The following INTS1 variants were observed in gnomAD, a reference collection of about 807,000 sequenced individuals.
INTS1 encodes integrator complex subunit 1.
A neutral mutation model predicts 241.6 loss-of-function variants in INTS1; 137 were observed. The observed-to-expected ratio is 0.57, with a 90% confidence interval of 0.49 to 0.65. The LOEUF (loss-of-function observed/expected upper bound fraction) is 0.65. Among genes scored for constraint, INTS1 ranks in the 30% least tolerant of loss-of-function variants. The probability of loss-of-function intolerance (pLI) is 0.00; values close to 1 mark genes in which losing one functional copy is unlikely to be tolerated. For synonymous variants in INTS1, 1,692 were observed against 1,337.8 expected, an observed-to-expected ratio of 1.26 and a Z score of -5.78; for missense variants, 3,073 against 3,032.2, an observed-to-expected ratio of 1.01 and a Z score of -0.32.
rs201332911 is a variant in INTS1, at chr7:1,500,035, C to T, written c.547-14G>A. The T allele has an allele frequency of 7.2e-4, 1,166 of 1,611,206 alleles. 8 individuals carry two copies. In the African/African-American group the frequency reaches 0.014, roughly 19 times the overall value. ...GCTACACAGAGCCTGCCAGGGAGGG[C>T]GCATGTCACGTGGGAGCTTCGCTGG... On this transcript the variant is annotated splice_polypyrimidine_tract_variant and intron_variant, in intron 4 of 47. Coordinates refer to ENST00000404767, the MANE Select transcript of INTS1 (RefSeq NM_001080453.3).
rs780686079 is a variant in INTS1 at position 1,496,180 on chromosome 7, C to T, written c.1687G>A (p.Ala563Thr). 17 of 1,613,662 alleles carry T rather than the reference C, an allele frequency of 1.1e-5. No individual in the cohort carries two copies. Among genetic ancestry groups the T allele is most frequent in the Non-Finnish European group, 1.4e-5 (17 of 1,179,750 alleles). The part of the protein sequence containing the change: ...ITAQVKEAGI[A>T]WDKGEKRNLE... The stretch of plus-strand genomic sequence containing the variant: ...CTCCTCTTTTCTCCTTTGTCCCAGG[C>T]GATGCCGGCCTCCTTCACCTGCGCT... Residue 563 changes from alanine (A) to threonine (T), a missense_variant, in exon 12 of 48, where the codon GCC (alanine) becomes ACC (threonine). By Grantham distance (58) the Ala-to-Thr change is moderately conservative. Coordinates refer to ENST00000404767, the MANE Select transcript of INTS1 (RefSeq NM_001080453.3).
In INTS1 at chr7:1,503,009, A is replaced by T; in HGVS notation, c.241T>A (p.Ser81Thr). Residue 81 changes from serine to threonine, a missense_variant, in exon 3 of 48, where the codon TCC (serine) becomes ACC (threonine). Physicochemically the swap from Ser to Thr is moderately conservative, Grantham distance 58. Transcript: ENST00000404767. The stretch of plus-strand genomic sequence containing the variant: ...AGGGCACTCAGAGGGGGTGTGGAGG[A>T]GAGTTTGGGGCGTTTGGTGAGACCG... The part of the protein sequence containing the change: ...LTGLTKRPKL[S>T]STPPLSALGR... The T allele has an allele frequency of 6.2e-7, 1 of 1,613,602 alleles. No individual in the cohort carries two copies. The highest frequency in any genetic ancestry group is 8.5e-7 in the Non-Finnish European group (1 of 1,179,848).
At chr7:1,500,570 T>A (rs1441531412) in intron 3 of INTS1, among the ~76,000 whole-genome samples, 1 of 152,096 alleles carries the variant, frequency 6.6e-6, no homozygotes, top group African/African-American at 2.4e-5. Flanking sequence ...CCCACAGGCC[T>A]CAGCACTAGC....
rs1415791167 is a variant in INTS1, at chr7:1,497,935, C to T, written c.1425+477G>A. Among the ~76,000 whole-genome samples the T allele has an allele frequency of 6.6e-6, 1 of 152,248 alleles. No individual in the cohort carries two copies. Among genetic ancestry groups the T allele is most frequent in the Non-Finnish European group, 1.5e-5 (1 of 68,042 alleles). On this transcript the variant is annotated intron_variant, in intron 10 of 47. Coordinates refer to ENST00000404767, the MANE Select transcript of INTS1 (RefSeq NM_001080453.3). This position sits in a 1 kb window ranked among gnomAD's most constrained non-coding sequence, Gnocchi z 5.3. ...CAATGCACAGGAGGCGGGTCTGGGC[C>T]AGGCACAGGGGCTCATGCCTGTCAT...
intron 2 of INTS1, 69 bp downstream of exon 2, chr7:1,503,834 C>T (rs912719432): frequency 4.1e-6 from 5 of 1,223,022 alleles, no homozygotes; most frequent in African/African-American, 1.6e-5. Flanking sequence ...TCCGCGGCAG[C>T]TGAGATCCCC....
intron 27 of INTS1, 37 bp downstream of exon 27, chr7:1,482,509 G>C: frequency 6.4e-7 from 1 of 1,563,310 alleles, no homozygotes; most frequent in Non-Finnish European, 8.7e-7. Context: ...GGACCCCTGA[G>C]TCAGCAGCCC....
At chr7:1,495,651 G>C in intron 12 of INTS1, 98 bp from the exon 13 acceptor site, 1 of 1,442,114 alleles carries the variant, frequency 6.9e-7, no homozygotes, top group African/African-American at 1.4e-5. Context: ...ACTTGGGAGG[G>C]GGTAACTCAG....
chr7:1,485,516 A>G (rs1365291648), intron 22 of INTS1, 47 bp from the exon 23 acceptor site: 4 of 1,587,536 alleles, frequency 2.5e-6, no homozygotes, highest in African/African-American at 1.3e-5. Context: ...CAGTGCAGGC[A>G]GGGTCTCACC....
rs555292289 is a variant in INTS1, at chr7:1,491,124, C to T, written c.2166-1442G>A. On this transcript the variant is annotated intron_variant, in intron 16 of 47. Coordinates refer to ENST00000404767, the MANE Select transcript of INTS1 (RefSeq NM_001080453.3). ...ACTGATCACCAAACTATAACATTCCCGGGAGAAAACGGGAGGAGGGCTTCG... is the reference window on the plus strand; with the variant it reads ...ACTGATCACCAAACTATAACATTCCTGGGAGAAAACGGGAGGAGGGCTTCG... Among the ~76,000 whole-genome samples, 15 of 152,340 alleles carry T rather than the reference C, an allele frequency of 9.8e-5. No homozygotes were observed. The South Asian group carries it at 1.9e-3, about 19-fold the overall frequency.
At chr7:1,474,917 GT>G (rs766050980) in intron 39 of INTS1, 79 bp from the exon 40 acceptor site, 1 of 1,504,378 alleles carries the variant, frequency 6.6e-7, no homozygotes, top group East Asian at 2.5e-5. Context: ...GCCGCCAGCT[GT>G]GGCCGTGATC....
Position 1,481,652 on chromosome 7 carries a change from C to T in INTS1, c.3704-164G>A, listed in dbSNP as rs1235617877. 7.0e-6 allele frequency among the ~76,000 whole-genome samples: 1 copy of T among 142,410 alleles called. No individual in the cohort carries two copies. 93.4% of individuals were successfully genotyped at this position (142,410 alleles called of 152,430 possible). Reference sequence around the variant, plus strand: ...CCCAAGACCTGGGGCAGTGCACACTCGGCAGCCCCACCTGAGACCCTGGGC... The same window carrying T: ...CCCAAGACCTGGGGCAGTGCACACTTGGCAGCCCCACCTGAGACCCTGGGC... On this transcript the variant is annotated intron_variant, in intron 27 of 47. Coordinates refer to ENST00000404767, the MANE Select transcript of INTS1 (RefSeq NM_001080453.3). This position sits in a 1 kb window ranked among gnomAD's most constrained non-coding sequence, Gnocchi z 6.8.
rs756865735 is a variant in INTS1 at position 1,471,182 on chromosome 7, G to A, written c.6298C>T (p.Arg2100Cys). Residue 2100 changes from arginine (R) to cysteine (C), a missense_variant, in exon 46 of 48, where the codon CGC becomes TGC. Transcript: ENST00000404767. The part of the protein sequence containing the change: ...RLMSSAEECC[R>C]NLAFSLALRS... ...AGGGCCAGGCTGAAGGCGAGGTTGC[G>A]GCAACACTCCTCGGCCGAGCTCATC... The A allele has an allele frequency of 3.3e-5, 53 of 1,584,554 alleles. No individual in the cohort carries two copies. Among genetic ancestry groups the A allele is most frequent in the Non-Finnish European group, 3.9e-5 (46 of 1,167,044 alleles).
At chr7:1,494,138 C>T (rs556622683) in intron 14 of INTS1, among the ~76,000 whole-genome samples, 1 of 152,206 alleles carries the variant, frequency 6.6e-6, no homozygotes, top group East Asian at 1.9e-4. Flanking sequence ...ACCCCCACCC[C>T]AAGGCCTTTG....
intron 14 of INTS1, 135 bp downstream of exon 14, chr7:1,494,681 A>T: frequency 1.2e-6 from 1 of 816,368 alleles, no homozygotes; most frequent in Admixed American, 2.1e-5. Flanking sequence ...AGGATTGTGG[A>T]GGAGGAGCAG....
intron 41 of INTS1, 45 bp from the exon 42 acceptor site, chr7:1,473,738 G>A (rs755562100): frequency 3.7e-6 from 6 of 1,609,192 alleles, no homozygotes; most frequent in East Asian, 2.2e-5. Flanking sequence ...GCCCCGCAGG[G>A]CCAAAACAGA....
chr7:1,472,142 C>G (rs769520305), intron 44 of INTS1, 131 bp downstream of exon 44: 51 of 695,864 alleles, frequency 7.3e-5, no homozygotes, highest in African/African-American at 1.9e-4. Flanking sequence ...GAGGAACAGC[C>G]CACCCACCCA....
intron 46 of INTS1, 79 bp from the exon 47 acceptor site, chr7:1,471,034 C>T (rs995391837): frequency 2.9e-5 from 44 of 1,512,994 alleles, no homozygotes; most frequent in African/African-American, 1.5e-4. Context: ...CGAGCTGAGC[C>T]GCCTGGAAGC....
In INTS1 at chr7:1,480,879, T is replaced by C. The variant is rs926989683; in HGVS notation, c.3905A>G (p.Gln1302Arg). 5.8e-6 allele frequency: 9 copies of C among 1,556,922 alleles called. No individual in the cohort carries two copies. The highest frequency in any genetic ancestry group is 7.8e-6 in the Non-Finnish European group (9 of 1,151,344). The change falls in exon 29 of 48, where the codon CAG becomes CGG. Residue 1302 changes from glutamine (Q) to arginine (R), a missense_variant. Gln to Arg is a conservative substitution (Grantham distance 43, BLOSUM62 1). Transcript: ENST00000404767. Reference protein sequence around the residue: ...VQHERGASGGQTFHSLLTASL... With the variant: ...VQHERGASGGRTFHSLLTASL... ...GGCTGTGAGCAAGGAGTGGAAAGTCTGGCCTCCGGAGGCGCCGCGCTCATG... is the reference window on the plus strand; with the variant it reads ...GGCTGTGAGCAAGGAGTGGAAAGTCCGGCCTCCGGAGGCGCCGCGCTCATG...
At position 1,485,282 on chromosome 7, in the gene INTS1, GC is replaced by G; in HGVS notation, c.3156+7del. ...TTTCCCTGCCGCGGCCCCGGTCAGC[GC>G]CCTCACCTGCTGCAGGGCCAGGGCT... is the stretch of plus-strand genomic sequence containing the variant. On this transcript the variant is annotated splice_region_variant and intron_variant, in intron 23 of 47. Coordinates refer to ENST00000404767, the MANE Select transcript of INTS1 (RefSeq NM_001080453.3). 1 of 1,603,656 alleles carries G rather than the reference GC, an allele frequency of 6.2e-7. No homozygotes were observed.
Sources: allele counts gnomAD v4.1 joint callset (sites outside exome capture counted in the v4.1 genomes callset), GRCh38; gene constraint gnomAD v4.1.1; non-coding constraint Gnocchi (gnomAD v3.1); transcripts MANE v1.5; gene names NCBI Gene and HGNC (gene_info 2026-07-23, HGNC 2026-07-21).